KCNH5: variants seen among roughly 807,000 people sequenced by gnomAD.
KCNH5 encodes the protein voltage-gated delayed rectifier potassium channel KCNH5.
KCNH5 carries 46 observed loss-of-function variants against 96.1 expected under a neutral mutation model. The observed-to-expected ratio is 0.48, with a 90% CI of 0.38 to 0.61. The LOEUF (loss-of-function observed/expected upper bound fraction) is 0.61. KCNH5 is among the 20% of genes least tolerant of loss of function. KCNH5 has a pLI of 0.00. For missense variants in KCNH5, 907 were observed against 1,225.8 expected, an observed-to-expected ratio of 0.74 and a Z score of 3.88; for synonymous variants, 439 against 449.8, an observed-to-expected ratio of 0.98 and a Z score of 0.30.
intron 6 of KCNH5, among the ~76,000 whole-genome samples, chr14:62,978,983 T>C (rs1890555211): frequency 6.6e-6 from 1 of 152,226 alleles, no homozygotes; most frequent in Non-Finnish European, 1.5e-5. Flanking sequence ...ATAGTCACCA[T>C]ATTGTATAAT....
At chr14:62,874,648 T>G (rs1888331947) in intron 7 of KCNH5, among the ~76,000 whole-genome samples, 1 of 151,526 alleles carries the variant, frequency 6.6e-6, no homozygotes, top group Non-Finnish European at 1.5e-5. Flanking sequence ...ACAACCTTCA[T>G]GCTAAAAACT....
intron 7 of KCNH5, among the ~76,000 whole-genome samples, chr14:62,910,838 T>A (rs1187539895): frequency 6.6e-6 from 1 of 151,232 alleles, no homozygotes; most frequent in East Asian, 2.0e-4. Flanking sequence ...TTTTCCCTGA[T>A]TCAAATGTTA....
chr14:62,818,423 T>C (rs1887044797), intron 8 of KCNH5, among the ~76,000 whole-genome samples: 1 of 152,158 alleles, frequency 6.6e-6, no homozygotes, highest in African/African-American at 2.4e-5. Context: ...CGAAAGGTTC[T>C]AAAACCATTA....
rs1410141577 is a variant in KCNH5 at position 62,950,309 on chromosome 14, G to A, written c.1193C>T (p.Thr398Ile). 3 of 1,613,998 alleles carry A rather than the reference G, an allele frequency of 1.9e-6. No homozygotes were observed. The highest frequency in any genetic ancestry group is 2.5e-6 in the Non-Finnish European group (3 of 1,179,960). ...AGCACTGGTATTGTAGCGATATGGA[G>A]TCCCAATGCTCAAAGCCAGCTGGTA... ...WLYQLALSIG[T>I]PYRYNTSAGI... Residue 398 changes from threonine to isoleucine, a missense_variant, in exon 7 of 11, where the codon ACT (threonine) becomes ATT (isoleucine). Around this residue, in one of 6 missense-constraint regions of KCNH5, gnomAD observed 370 missense variants for 561.3 expected, o/e 0.66. Transcript: ENST00000322893.
At position 63,045,305 on chromosome 14, in the gene KCNH5, C is replaced by T. The variant is rs946806693; in HGVS notation, c.-119G>A. 2 of 826,036 alleles carry T rather than the reference C, an allele frequency of 2.4e-6. No individual in the cohort carries two copies. Among genetic ancestry groups the T allele is most frequent in the East Asian group, 5.2e-5 (2 of 38,544 alleles). The allele number at this position is 826,036 out of a possible 1,614,324, so 51.2% of individuals were successfully genotyped here. ...AAGATTGAGCCGAAAGAAGAGGGGGCGCGGCGGCGGCGACGGGGTCCCCTG... is the reference window on the plus strand; with the variant it reads ...AAGATTGAGCCGAAAGAAGAGGGGGTGCGGCGGCGGCGACGGGGTCCCCTG... On this transcript the variant is annotated 5_prime_UTR_variant, in exon 1 of 11. Coordinates refer to ENST00000322893, the MANE Select transcript of KCNH5 (RefSeq NM_139318.5).
chr14:62,903,406 C>T (rs1007277725), intron 7 of KCNH5, among the ~76,000 whole-genome samples: 5 of 152,190 alleles, frequency 3.3e-5, no homozygotes, highest in South Asian at 2.1e-4. Flanking sequence ...CCCAATACAG[C>T]GACTGTCCAT....
chr14:62,975,373 T>C (rs77179184), intron 6 of KCNH5, among the ~76,000 whole-genome samples: 29,621 of 151,954 alleles, frequency 0.19, 3,210 homozygotes, highest in Non-Finnish European at 0.25. Context: ...AGCCAATCTA[T>C]AGGAACTGAC....
At chr14:62,790,582 T>C (rs1020758264) in intron 9 of KCNH5, among the ~76,000 whole-genome samples, 5 of 144,074 alleles carry the variant, frequency 3.5e-5, no homozygotes, top group African/African-American at 1.3e-4. Context: ...CTTTCCTTCT[T>C]TTTTTTTTTT....
chr14:63,035,788 A>G (rs560239774), intron 1 of KCNH5, among the ~76,000 whole-genome samples: 51 of 152,282 alleles, frequency 3.3e-4, no homozygotes, highest in African/African-American at 1.2e-3. Flanking sequence ...TGCTTTCTTC[A>G]GGTTAAAAAA....
intron 7 of KCNH5, among the ~76,000 whole-genome samples, chr14:62,917,352 A>AG (rs1298619283): frequency 1.4e-5 from 2 of 141,766 alleles, no homozygotes. Context: ...ATGGTTTGTT[A>AG]GGTTTTTTTT....
Position 63,016,957 on chromosome 14 carries a change from G to A in KCNH5, c.74-3C>T, listed in dbSNP as rs1203384676. ...ATTTCCCAGTAAGAAACTTGATTCTGAAGAAGAAAGGAGAAAAAAGGAGGT... is the reference window on the plus strand; with the variant it reads ...ATTTCCCAGTAAGAAACTTGATTCTAAAGAAGAAAGGAGAAAAAAGGAGGT... On this transcript the variant is annotated splice_polypyrimidine_tract_variant and splice_region_variant and intron_variant, in intron 1 of 10. Transcript: ENST00000322893. The A allele has an allele frequency of 6.3e-7, 1 of 1,598,074 alleles. No homozygotes were observed. Among genetic ancestry groups the A allele is most frequent in the South Asian group, 1.2e-5 (1 of 86,944 alleles).
intron 7 of KCNH5, among the ~76,000 whole-genome samples, chr14:62,905,305 T>C (rs1049668022): frequency 2.0e-5 from 3 of 152,230 alleles, no homozygotes; most frequent in Non-Finnish European, 2.9e-5. Context: ...TTAGCTAAAA[T>C]TATTAATGAA....
At chr14:62,891,973 A>C (rs1437076246) in intron 7 of KCNH5, among the ~76,000 whole-genome samples, 1 of 152,092 alleles carries the variant, frequency 6.6e-6, no homozygotes, top group Non-Finnish European at 1.5e-5. Flanking sequence ...GTTCCCTGAG[A>C]CACAACAATA....
intron 8 of KCNH5, among the ~76,000 whole-genome samples, chr14:62,832,991 TAG>T (rs3046132): frequency 0.45 from 68,190 of 151,838 alleles, 15,696 homozygotes; most frequent in South Asian, 0.62. Context: ...ATTGAATTGA[TAG>T]AGTTTCTTAT....
chr14:62,852,331 C>T (rs1357021503), intron 7 of KCNH5, among the ~76,000 whole-genome samples: 1 of 152,164 alleles, frequency 6.6e-6, no homozygotes, highest in Non-Finnish European at 1.5e-5. Flanking sequence ...CACTGCTTCT[C>T]ATTTTCATGT....
chr14:62,911,075 T>C (rs1889143577), intron 7 of KCNH5, among the ~76,000 whole-genome samples: 1 of 152,140 alleles, frequency 6.6e-6, no homozygotes, highest in African/African-American at 2.4e-5. Context: ...AGTAGGGGCA[T>C]TTAAACAATG....
chr14:62,995,352 A>T (rs1249741176), intron 4 of KCNH5, among the ~76,000 whole-genome samples: 4 of 152,076 alleles, frequency 2.6e-5, no homozygotes, highest in Non-Finnish European at 4.4e-5. Context: ...ATGCTAAAAC[A>T]CTATTTCTTG....
intron 7 of KCNH5, among the ~76,000 whole-genome samples, chr14:62,870,006 C>A (rs1054468301): frequency 6.6e-6 from 1 of 152,196 alleles, no homozygotes; most frequent in African/African-American, 2.4e-5. Context: ...ACCATGATTA[C>A]TTTTGCACCA....
chr14:62,739,325 T>C (rs7141868), intron 10 of KCNH5, among the ~76,000 whole-genome samples: 14,133 of 152,216 alleles, frequency 0.093, 1,023 homozygotes, highest in African/African-American at 0.19. Context: ...TTGTCCAATA[T>C]GTGAAAATAT....
Sources: allele counts gnomAD v4.1 joint callset (sites outside exome capture counted in the v4.1 genomes callset), GRCh38; gene constraint gnomAD v4.1.1; regional missense constraint gnomAD v4.1.1; transcripts MANE v1.5; gene names NCBI Gene and HGNC (gene_info 2026-07-23, HGNC 2026-07-21).